The following YEATS2 variants were observed in gnomAD, a reference collection of about 807,000 sequenced individuals.
The protein encoded by YEATS2 is YEATS domain-containing protein 2.
A neutral mutation model predicts 163.2 loss-of-function variants in YEATS2; 77 were observed. The ratio of observed to expected loss-of-function variants is 0.47; its 90% confidence interval spans 0.39 to 0.57. The LOEUF is 0.57. YEATS2 is among the 20% of genes least tolerant of loss of function. The pLI is 0.00. For synonymous variants in YEATS2, 631 were observed against 645.1 expected, an observed-to-expected ratio of 0.98 and a Z score of 0.33; for missense variants, 1,549 against 1,729.8, an observed-to-expected ratio of 0.90 and a Z score of 1.85.
intron 8 of YEATS2, among the ~76,000 whole-genome samples, chr3:183,744,036 C>T (rs1032316491): frequency 5.3e-5 from 8 of 150,918 alleles, no homozygotes; most frequent in African/African-American, 2.0e-4. Context: ...AATAAAAGGG[C>T]ACACAGCCAC....
At chr3:183,700,663 C>A (rs1204667867) in intron 1 of YEATS2, among the ~76,000 whole-genome samples, 1 of 131,066 alleles carries the variant, frequency 7.6e-6, no homozygotes, top group Non-Finnish European at 1.5e-5. Context: ...CCCAGCTGCT[C>A]GGGAGGCTGA....
At position 183,786,414 on chromosome 3, in the gene YEATS2, C is replaced by CTTT. The variant is rs35962571; in HGVS notation, c.2913+121_2913+123dup. 6.9e-3 allele frequency: 5,694 copies of CTTT among 823,716 alleles called. 1 individual carries two copies. Among genetic ancestry groups the CTTT allele is most frequent in the Middle Eastern group, 0.012 (28 of 2,350 alleles). 51.0% of individuals were successfully genotyped at this position (823,716 alleles called of 1,614,324 possible). A position where few individuals can be genotyped will look rare whatever the true frequency, so the allele number is the denominator to read the frequency against. Reference sequence around the variant, plus strand: ...ACCTTTTAAAAATACTCAACTATTGCTTTTTTTTTTAAAGAAATATTCACA... The same window carrying CTTT: ...ACCTTTTAAAAATACTCAACTATTGCTTTTTTTTTTTTTAAAGAAATATTCACA... On this transcript the variant is annotated intron_variant, in intron 20 of 30. Coordinates refer to ENST00000305135, the MANE Select transcript of YEATS2 (RefSeq NM_018023.5).
intron 23 of YEATS2, among the ~76,000 whole-genome samples, chr3:183,799,325 G>A (rs548750324): frequency 6.6e-6 from 1 of 152,236 alleles, no homozygotes; most frequent in Non-Finnish European, 1.5e-5. Context: ...ATTGCAGCTT[G>A]GGATGTCTGA....
chr3:183,763,312 G>A (rs1474185259), intron 15 of YEATS2, among the ~76,000 whole-genome samples: 1 of 152,172 alleles, frequency 6.6e-6, no homozygotes, highest in Non-Finnish European at 1.5e-5. Context: ...ATAGGAAGTT[G>A]TAATAGAACA....
intron 1 of YEATS2, among the ~76,000 whole-genome samples, chr3:183,707,776 C>T (rs1485806890): frequency 6.7e-6 from 1 of 150,180 alleles, no homozygotes; most frequent in African/African-American, 2.5e-5. Flanking sequence ...CTCTGCCTCC[C>T]GGGTTCAAGC....
intron 29 of YEATS2, among the ~76,000 whole-genome samples, chr3:183,808,432 G>C (rs1382224357): frequency 1.3e-5 from 2 of 152,142 alleles, no homozygotes; most frequent in Non-Finnish European, 1.5e-5. Flanking sequence ...AGCCCCAACT[G>C]TCCTGACCCT....
chr3:183,737,365 A>G (rs262977), intron 8 of YEATS2, among the ~76,000 whole-genome samples: 61,759 of 151,986 alleles, frequency 0.41, 13,155 homozygotes, highest in Middle Eastern at 0.57. Flanking sequence ...GGGGGAAGAG[A>G]TACTATTTCT....
intron 1 of YEATS2, among the ~76,000 whole-genome samples, chr3:183,703,706 A>G (rs147624369): frequency 2.0e-5 from 3 of 152,292 alleles, no homozygotes; most frequent in Admixed American, 6.5e-5. Flanking sequence ...TTTTCTCAGT[A>G]TAATATTAAA....
intron 8 of YEATS2, among the ~76,000 whole-genome samples, chr3:183,744,324 C>G (rs1312080743): frequency 6.6e-6 from 1 of 151,822 alleles, no homozygotes; most frequent in African/African-American, 2.4e-5. Context: ...ATCATGTTGG[C>G]TAGGCTGGTC....
At chr3:183,737,958 C>T (rs537431547) in intron 8 of YEATS2, among the ~76,000 whole-genome samples, 1 of 152,252 alleles carries the variant, frequency 6.6e-6, no homozygotes, top group Admixed American at 6.5e-5. Flanking sequence ...TTTTGTCTCT[C>T]TGTCACATTT....
chr3:183,714,017 C>T (rs1715547787), intron 1 of YEATS2, among the ~76,000 whole-genome samples: 1 of 152,002 alleles, frequency 6.6e-6, no homozygotes, highest in Admixed American at 6.6e-5. Flanking sequence ...ACTGGCCAGG[C>T]TGGTCTCGAA....
intron 13 of YEATS2, among the ~76,000 whole-genome samples, chr3:183,759,516 CTCCCCTT>C (rs1721124210): frequency 6.6e-6 from 1 of 152,154 alleles, no homozygotes; most frequent in African/African-American, 2.4e-5. Flanking sequence ...CTGCTGTCCT[CTCCCCTT>C]TCTTTTGCTT....
chr3:183,801,275 T>A, intron 24 of YEATS2, 180 bp from the exon 25 acceptor site: 1 of 461,862 alleles, frequency 2.2e-6, no homozygotes, highest in Non-Finnish European at 3.8e-6. Flanking sequence ...TTTTTAAGCA[T>A]AGAACACCCC....
In YEATS2 at chr3:183,762,184, G is replaced by C. The variant is rs753505426; in HGVS notation, c.1852G>C (p.Val618Leu). 15 of 1,614,072 alleles carry C rather than the reference G, an allele frequency of 9.3e-6. No homozygotes were observed. Among genetic ancestry groups the C allele is most frequent in the Non-Finnish European group, 1.3e-5 (15 of 1,180,044 alleles). ...GTCACCACTCCCGCAGTATGTGACT[G>C]TGAAAGGGGGTCACATGATAGCTGT... ...SQSPLPQYVT[V>L]KGGHMIAVSP... Residue 618 changes from valine (V) to leucine (L), a missense_variant, in exon 15 of 31, where the codon GTG (valine) becomes CTG (leucine). By Grantham distance (32) the Val-to-Leu change is conservative. Transcript: ENST00000305135.
In YEATS2 at chr3:183,707,678, ATTTT is replaced by A. The variant is rs1176429941; in HGVS notation, c.-19-7446_-19-7443del. On this transcript the variant is annotated intron_variant, in intron 1 of 30. Coordinates refer to ENST00000305135, the MANE Select transcript of YEATS2 (RefSeq NM_018023.5). ...ATTGTACTACTCCCCTTCCCCACCT[ATTTT>A]TTTTTTTTTTTTTTTTTTTGAGACG... 7.5e-4 allele frequency among the ~76,000 whole-genome samples: 80 copies of A among 106,118 alleles called. 1 individual carries two copies. The East Asian group carries it at 0.02, about 27-fold the overall frequency. The allele number at this position is 106,118 out of a possible 152,430, so 69.6% of individuals were successfully genotyped here. A position where few individuals can be genotyped will look rare whatever the true frequency, so the allele number is the denominator to read the frequency against.
intron 20 of YEATS2, among the ~76,000 whole-genome samples, chr3:183,789,383 ATTTTTCTTTCATTGC>A (rs979171543): frequency 4.6e-5 from 7 of 151,766 alleles, no homozygotes; most frequent in African/African-American, 1.7e-4. Flanking sequence ...CAACTTACCT[ATTTTTCTTTCATTGC>A]TTTTTCTTTT....
chr3:183,745,031 A>G (rs778534533), intron 8 of YEATS2, among the ~76,000 whole-genome samples: 10 of 151,922 alleles, frequency 6.6e-5, no homozygotes, highest in Non-Finnish European at 1.3e-4. Context: ...TTGTGTTCTT[A>G]GTAAGAGAGG....
intron 7 of YEATS2, among the ~76,000 whole-genome samples, chr3:183,732,648 C>G (rs1451686591): frequency 6.6e-6 from 1 of 151,722 alleles, no homozygotes; most frequent in Non-Finnish European, 1.5e-5. Context: ...CAAGCTCCGC[C>G]TCCCGGGTTC....
chr3:183,715,537 A>G (rs1715760434), intron 2 of YEATS2, among the ~76,000 whole-genome samples: 1 of 152,206 alleles, frequency 6.6e-6, no homozygotes, highest in Admixed American at 6.5e-5. Context: ...CATAAAGTCT[A>G]TGATATGTAT....
Sources: gnomAD v4.1 joint callset for allele counts (sites outside exome capture counted in the v4.1 genomes callset) on GRCh38, gnomAD v4.1.1 for gene constraint, MANE v1.5 for transcripts, NCBI Gene and HGNC (gene_info 2026-07-23, HGNC 2026-07-21) for gene names.